CBFA2T2: variants seen among roughly 807,000 people sequenced by gnomAD.
The protein encoded by CBFA2T2 is protein CBFA2T2.
Under a neutral mutation model 62.2 loss-of-function variants are expected in CBFA2T2, and 11 were observed. The observed-to-expected ratio is 0.18, with a 90% CI of 0.11 to 0.29. CBFA2T2 has a LOEUF of 0.29. Ranked by LOEUF, CBFA2T2 falls within the 10% of genes least tolerant of loss-of-function variation. CBFA2T2 has a pLI of 1.00. For synonymous variants in CBFA2T2, 295 were observed against 287.5 expected (o/e 1.03, Z -0.27); for missense variants, 592 against 774.1 (o/e 0.76, Z 2.79).
At chr20:33,596,694 A>C (rs534643548) in intron 1 of CBFA2T2, among the ~76,000 whole-genome samples, 2 of 152,146 alleles carry the variant, frequency 1.3e-5, no homozygotes, top group African/African-American at 2.4e-5. Context: ...AAAATATTTC[A>C]TCACAACTTC....
chr20:33,521,786 A>T (rs2146862270), intron 1 of CBFA2T2, among the ~76,000 whole-genome samples: 1 of 152,174 alleles, frequency 6.6e-6, no homozygotes, highest in African/African-American at 2.4e-5. Context: ...GGATAGTAAC[A>T]GCAAAATTGA....
At chr20:33,547,637 C>T (rs890933815) in intron 1 of CBFA2T2, among the ~76,000 whole-genome samples, 3 of 151,668 alleles carry the variant, frequency 2.0e-5, no homozygotes, top group African/African-American at 7.3e-5. Flanking sequence ...GCTATGATTG[C>T]ACCCCTGCAC....
At chr20:33,617,160 G>A (rs1051100367) in intron 3 of CBFA2T2, among the ~76,000 whole-genome samples, 2 of 152,164 alleles carry the variant, frequency 1.3e-5, no homozygotes, top group Non-Finnish European at 2.9e-5. Context: ...CACGAGGTCA[G>A]GAGTTCAAGG....
chr20:33,525,850 C>T (rs2011871639), intron 1 of CBFA2T2, among the ~76,000 whole-genome samples: 1 of 152,046 alleles, frequency 6.6e-6, no homozygotes, highest in African/African-American at 2.4e-5. Context: ...GATGAAGTCT[C>T]ACTTTGTTGC....
intron 1 of CBFA2T2, among the ~76,000 whole-genome samples, chr20:33,508,761 T>A (rs1376947935): frequency 6.6e-6 from 1 of 151,748 alleles, no homozygotes; most frequent in Non-Finnish European, 1.5e-5. Flanking sequence ...GGACATGATC[T>A]TCTTTTTTAT....
At chr20:33,558,832 G>A (rs191827833) in intron 1 of CBFA2T2, among the ~76,000 whole-genome samples, 170 of 149,802 alleles carry the variant, frequency 1.1e-3, no homozygotes, top group African/African-American at 3.6e-3. Flanking sequence ...TTGGGGGGGC[G>A]GCGATTCTTG....
chr20:33,616,537 G>C (rs1447067997), intron 3 of CBFA2T2, among the ~76,000 whole-genome samples: 1 of 152,052 alleles, frequency 6.6e-6, no homozygotes, highest in Non-Finnish European at 1.5e-5. Flanking sequence ...GATCAGCCTG[G>C]TCAACATGGC....
At chr20:33,526,254 C>G (rs1866073717) in intron 1 of CBFA2T2, among the ~76,000 whole-genome samples, 1 of 151,984 alleles carries the variant, frequency 6.6e-6, no homozygotes, top group African/African-American at 2.4e-5. Context: ...CTACTGTATC[C>G]CTAAGGCTAT....
rs2013808181 is a variant in CBFA2T2 at position 33,575,987 on chromosome 20, C to T, written c.35-30969C>T. Reference sequence around the variant, plus strand: ...TATTTTTAGTAGAGACGGGGTTTCACCATGTTAGCCAGGATGGCCTCGATC... The same window carrying T: ...TATTTTTAGTAGAGACGGGGTTTCATCATGTTAGCCAGGATGGCCTCGATC... On this transcript the variant is annotated intron_variant, in intron 1 of 10. Transcript: ENST00000342704. Among the ~76,000 whole-genome samples, 3 of 151,710 alleles carry T rather than the reference C, an allele frequency of 2.0e-5. No homozygotes were observed. The South Asian group carries it at 6.3e-4, about 32-fold the overall frequency.
At chr20:33,541,859 T>C (rs561802519) in intron 1 of CBFA2T2, among the ~76,000 whole-genome samples, 1 of 152,080 alleles carries the variant, frequency 6.6e-6, no homozygotes, top group South Asian at 2.1e-4. Context: ...GACTTTGTCT[T>C]AGTGCTACAG....
rs932490979 is a variant in CBFA2T2 at position 33,623,906 on chromosome 20, A to T, written c.692+610A>T. 7.0e-6 allele frequency: 5 copies of T among 713,904 alleles called. No homozygotes were observed. In the East Asian group the frequency reaches 1.3e-4, roughly 19 times the overall value. 44.2% of individuals were successfully genotyped at this position (713,904 alleles called of 1,614,324 possible). A position where few individuals can be genotyped will look rare whatever the true frequency, so the allele number is the denominator to read the frequency against. ...ATGGGTCGACTGTTCCAGAAGCCTC[A>T]GGAGTACAGTTCTGCCTTTTCCTTG... On this transcript the variant is annotated intron_variant, in intron 5 of 10. Coordinates refer to ENST00000342704, the MANE Select transcript of CBFA2T2 (RefSeq NM_001032999.3).
chr20:33,526,062 A>G (rs2011876673), intron 1 of CBFA2T2, among the ~76,000 whole-genome samples: 1 of 152,178 alleles, frequency 6.6e-6, no homozygotes. Flanking sequence ...CTAGAAAGCT[A>G]TGCTGTACTT....
intron 1 of CBFA2T2, among the ~76,000 whole-genome samples, chr20:33,568,868 AC>A (rs1330031189): frequency 5.9e-5 from 9 of 152,062 alleles, no homozygotes; most frequent in Non-Finnish European, 1.2e-4. Flanking sequence ...AATCTATTAG[AC>A]CCCCAGTAGG....
intron 1 of CBFA2T2, among the ~76,000 whole-genome samples, chr20:33,545,128 A>G (rs1278526179): frequency 6.6e-6 from 1 of 151,930 alleles, no homozygotes; most frequent in East Asian, 1.9e-4. Flanking sequence ...GGTATGTGTA[A>G]TTCAAAACCT....
At chr20:33,513,905 T>G (rs552181047) in intron 1 of CBFA2T2, among the ~76,000 whole-genome samples, 217 of 151,264 alleles carry the variant, frequency 1.4e-3, no homozygotes, top group African/African-American at 2.0e-3. Flanking sequence ...TGTGTTTTTT[T>G]TTGTTGTTGT....
intron 1 of CBFA2T2, among the ~76,000 whole-genome samples, chr20:33,501,946 C>T (rs6088240): frequency 0.99 from 150,094 of 152,112 alleles, 74,081 homozygotes; most frequent in East Asian, 1. Flanking sequence ...GGCCTAATTA[C>T]AAAATTTACT....
At chr20:33,589,729 C>T (rs1054449692) in intron 1 of CBFA2T2, among the ~76,000 whole-genome samples, 1 of 152,166 alleles carries the variant, frequency 6.6e-6, no homozygotes, top group African/African-American at 2.4e-5. Context: ...CCTGATCTGT[C>T]TGAATCCAGC....
chr20:33,641,128 G>A (rs1161795280), intron 10 of CBFA2T2, among the ~76,000 whole-genome samples: 1 of 152,024 alleles, frequency 6.6e-6, no homozygotes, highest in Non-Finnish European at 1.5e-5. Context: ...CACCTCCTGG[G>A]TTCACGCCAT....
At chr20:33,551,573 C>T (rs1231696923) in intron 1 of CBFA2T2, among the ~76,000 whole-genome samples, 1 of 151,902 alleles carries the variant, frequency 6.6e-6, no homozygotes, top group Non-Finnish European at 1.5e-5. Flanking sequence ...CTCTGTCACC[C>T]AGTCTGGAGT....
Sources: allele counts gnomAD v4.1 joint callset (sites outside exome capture counted in the v4.1 genomes callset), GRCh38; gene constraint gnomAD v4.1.1; transcripts MANE v1.5; gene names NCBI Gene and HGNC (gene_info 2026-07-23, HGNC 2026-07-21).